Variants in PARD3B observed in about 807,000 individuals in gnomAD.
PARD3B encodes the protein par-3 family cell polarity regulator beta.
PARD3B carries 103 observed loss-of-function variants against 130.2 expected under a neutral mutation model. The ratio of observed to expected loss-of-function variants is 0.79; its 90% confidence interval spans 0.67 to 0.93. The LOEUF (loss-of-function observed/expected upper bound fraction) is 0.93, where lower values mean the gene tolerates loss of function less well. Ranked by LOEUF, PARD3B falls within the 40% of genes least tolerant of loss-of-function variation. PARD3B has a pLI of 0.00. For synonymous variants in PARD3B, 583 were observed against 553.2 expected (o/e 1.05, Z -0.76); for missense variants, 1,609 against 1,499.2 (o/e 1.07, Z -1.21).
intron 4 of PARD3B, among the ~76,000 whole-genome samples, chr2:205,069,788 G>A (rs1046303994): frequency 1.3e-5 from 2 of 152,094 alleles, no homozygotes; most frequent in Admixed American, 1.3e-4. Context: ...AGCAGGCATA[G>A]TAAATTTCCA....
chr2:205,456,707 T>G (rs2048287832), intron 20 of PARD3B, among the ~76,000 whole-genome samples: 1 of 151,684 alleles, frequency 6.6e-6, no homozygotes, highest in Admixed American at 6.6e-5. Context: ...TTTTCAAACA[T>G]TGAACCTGCC....
At chr2:205,475,746 C>T (rs1419650060) in intron 20 of PARD3B, among the ~76,000 whole-genome samples, 1 of 152,136 alleles carries the variant, frequency 6.6e-6, no homozygotes, top group African/African-American at 2.4e-5. Flanking sequence ...GTGTGAGGAG[C>T]GTTGACTCCA....
intron 4 of PARD3B, among the ~76,000 whole-genome samples, chr2:205,087,274 T>A (rs1025573979): frequency 6.6e-6 from 1 of 152,188 alleles, no homozygotes. Flanking sequence ...ACAGGTTTTT[T>A]AAGAAAAAAC....
intron 18 of PARD3B, among the ~76,000 whole-genome samples, chr2:205,328,332 T>C (rs2043003276): frequency 6.6e-6 from 1 of 152,222 alleles, no homozygotes; most frequent in Non-Finnish European, 1.5e-5. Context: ...GCTAATGTTA[T>C]GGTAATAACT....
intron 1 of PARD3B, among the ~76,000 whole-genome samples, chr2:204,611,648 A>C (rs2125116861): frequency 6.6e-6 from 1 of 152,312 alleles, no homozygotes; most frequent in South Asian, 2.1e-4. Context: ...GATATATATA[A>C]ACAACGAAAG....
chr2:205,488,277 G>T (rs577575511), intron 20 of PARD3B, among the ~76,000 whole-genome samples: 40 of 152,122 alleles, frequency 2.6e-4, no homozygotes, highest in Non-Finnish European at 3.5e-4. Context: ...GGTGTTGGGG[G>T]TTGGGGAACA....
chr2:204,726,637 C>T (rs1390842304), intron 2 of PARD3B, among the ~76,000 whole-genome samples: 1 of 152,190 alleles, frequency 6.6e-6, no homozygotes, highest in African/African-American at 2.4e-5. Flanking sequence ...TCAACTTTCT[C>T]AGTTCCTTAC....
intron 2 of PARD3B, among the ~76,000 whole-genome samples, chr2:204,726,378 A>G (rs1359710470): frequency 6.6e-6 from 1 of 152,134 alleles, no homozygotes; most frequent in Non-Finnish European, 1.5e-5. Context: ...GGCACCCTAG[A>G]AGTTGGAGTA....
chr2:205,444,709 T>C (rs1387529507), intron 20 of PARD3B, among the ~76,000 whole-genome samples: 1 of 152,090 alleles, frequency 6.6e-6, no homozygotes. Flanking sequence ...ATGATTACAG[T>C]AGTAAATGAG....
chr2:204,630,156 TA>T, intron 1 of PARD3B, among the ~76,000 whole-genome samples: 1 of 152,280 alleles, frequency 6.6e-6, no homozygotes. Context: ...CTCTATTCTT[TA>T]TATTGATAGT....
intron 2 of PARD3B, among the ~76,000 whole-genome samples, chr2:204,737,470 C>G (rs776378897): frequency 8.5e-5 from 13 of 152,124 alleles, no homozygotes; most frequent in Non-Finnish European, 7.3e-5. Flanking sequence ...CTTGTAAATT[C>G]TGGATACTAG....
At chr2:205,383,319 TCTGA>T (rs1400709431) in intron 18 of PARD3B, among the ~76,000 whole-genome samples, 4 of 152,036 alleles carry the variant, frequency 2.6e-5, no homozygotes, top group Non-Finnish European at 4.4e-5. Flanking sequence ...GAAAGCTGTC[TCTGA>T]CTATCTGCAA....
intron 3 of PARD3B, among the ~76,000 whole-genome samples, chr2:205,005,575 T>C (rs1020880795): frequency 5.9e-5 from 9 of 152,172 alleles, no homozygotes; most frequent in African/African-American, 1.9e-4. Flanking sequence ...TTGTATACTT[T>C]TATTGATAAA....
chr2:205,603,315 A>T (rs1481999303), intron 22 of PARD3B, among the ~76,000 whole-genome samples: 1 of 152,208 alleles, frequency 6.6e-6, no homozygotes, highest in Non-Finnish European at 1.5e-5. Flanking sequence ...ACCAAAAAGA[A>T]TGTATATTCT....
intron 10 of PARD3B, among the ~76,000 whole-genome samples, chr2:205,140,037 C>A (rs557212175): frequency 6.6e-6 from 1 of 152,332 alleles, no homozygotes; most frequent in South Asian, 2.1e-4. Context: ...TGCGTTGCCT[C>A]TGCTCTTAGC....
chr2:204,633,455 GTTAAT>G (rs1328272581), intron 1 of PARD3B, among the ~76,000 whole-genome samples: 12 of 152,108 alleles, frequency 7.9e-5, no homozygotes, highest in African/African-American at 1.4e-4. Flanking sequence ...TCTAAAAACA[GTTAAT>G]TTAATATCAT....
chr2:204,549,332 TG>T (rs781445543), intron 1 of PARD3B, among the ~76,000 whole-genome samples: 14 of 152,158 alleles, frequency 9.2e-5, no homozygotes, highest in Non-Finnish European at 1.8e-4. Context: ...TCCAATTTAG[TG>T]AAGTTGTTAG....
chr2:204,602,425 T>A (rs957110534), intron 1 of PARD3B, among the ~76,000 whole-genome samples: 312 of 151,394 alleles, frequency 2.1e-3, no homozygotes, highest in African/African-American at 7.2e-3. Flanking sequence ...AGACACAGTT[T>A]AAAAAAAATA....
intron 2 of PARD3B, among the ~76,000 whole-genome samples, chr2:204,738,212 A>G (rs961852298): frequency 5.9e-5 from 9 of 152,092 alleles, no homozygotes; most frequent in Admixed American, 5.9e-4. Context: ...TGAGCATGGG[A>G]TGCATTTCCA....
Sources: gnomAD v4.1 joint callset for allele counts (sites outside exome capture counted in the v4.1 genomes callset) on GRCh38, gnomAD v4.1.1 for gene constraint, MANE v1.5 for transcripts, NCBI Gene and HGNC (gene_info 2026-07-23, HGNC 2026-07-21) for gene names.